The following TCF12 variants were observed in gnomAD, a reference collection of about 807,000 sequenced individuals.
TCF12 encodes DNA-binding protein HTF4.
TCF12 carries 45 observed loss-of-function variants against 86.0 expected under a neutral mutation model. The observed-to-expected ratio is 0.52, with a 90% CI of 0.41 to 0.67. TCF12 has a LOEUF of 0.67. Among genes scored for constraint, TCF12 ranks in the 30% least tolerant of loss-of-function variants. The pLI, the probability that TCF12 is intolerant of heterozygous loss-of-function variation, is 0.00. For synonymous variants in TCF12, 330 were observed against 299.6 expected (o/e 1.10, Z -1.05); for missense variants, 881 against 859.9 (o/e 1.02, Z -0.31).
intron 11 of TCF12, 82 bp from the exon 12 acceptor site, chr15:57,233,961 A>C: frequency 1.8e-6 from 2 of 1,085,018 alleles, no homozygotes; most frequent in Non-Finnish European, 2.8e-6. Context: ...ATGATAGAGA[A>C]CACCCTTGGA....
chr15:57,193,876 G>A (rs2057113217), intron 7 of TCF12, among the ~76,000 whole-genome samples: 1 of 152,124 alleles, frequency 6.6e-6, no homozygotes, highest in South Asian at 2.1e-4. Flanking sequence ...TATTAAGTCA[G>A]CCCAGGTGAT....
chr15:57,024,812 T>C (rs753815944), intron 3 of TCF12, among the ~76,000 whole-genome samples: 8 of 152,184 alleles, frequency 5.3e-5, no homozygotes, highest in Non-Finnish European at 1.2e-4. Flanking sequence ...TGCACATTCG[T>C]CAACAAGCTC....
intron 3 of TCF12, among the ~76,000 whole-genome samples, chr15:57,025,869 G>C (rs2065795905): frequency 6.6e-6 from 1 of 152,176 alleles, no homozygotes. Context: ...TCGCTGAGAT[G>C]ATGAATTCAT....
chr15:57,219,523 T>A, intron 8 of TCF12: 1 of 1,611,592 alleles, frequency 6.2e-7, no homozygotes, highest in Admixed American at 1.7e-5. Context: ...AAAATCAACA[T>A]GTATTGTGCT....
intron 13 of TCF12, 124 bp downstream of exon 13, chr15:57,243,674 A>C (rs1282064991): frequency 1.3e-6 from 1 of 774,984 alleles, no homozygotes; most frequent in African/African-American, 1.8e-5. Flanking sequence ...ACTATAAGAA[A>C]GTGTGTAAAG....
chr15:56,992,172 G>A (rs1391858492), intron 3 of TCF12, among the ~76,000 whole-genome samples: 1 of 152,088 alleles, frequency 6.6e-6, no homozygotes, highest in African/African-American at 2.4e-5. Context: ...TCAGGAGGCT[G>A]AGGTGGGAGG....
At chr15:57,164,254 AT>A (rs1293496955) in intron 5 of TCF12, among the ~76,000 whole-genome samples, 1 of 152,184 alleles carries the variant, frequency 6.6e-6, no homozygotes, top group Non-Finnish European at 1.5e-5. Flanking sequence ...ATACTTGGCC[AT>A]GAAAGTTTTG....
At chr15:57,077,740 GT>G (rs200756239) in intron 4 of TCF12, among the ~76,000 whole-genome samples, 25 of 98,760 alleles carry the variant, frequency 2.5e-4, no homozygotes, top group East Asian at 8.5e-4. Context: ...CGGATCTGTA[GT>G]TTTTTAAAAA....
chr15:57,204,328 G>T (rs1384351596), intron 8 of TCF12, among the ~76,000 whole-genome samples: 1 of 152,016 alleles, frequency 6.6e-6, no homozygotes, highest in Non-Finnish European at 1.5e-5. Flanking sequence ...GCATGTGCCT[G>T]TGGTCTCACC....
chr15:57,049,811 G>C (rs998658411), intron 3 of TCF12, among the ~76,000 whole-genome samples: 1 of 152,156 alleles, frequency 6.6e-6, no homozygotes, highest in Non-Finnish European at 1.5e-5. Flanking sequence ...AGTTGTAGTT[G>C]CTCTGCATTC....
intron 18 of TCF12, among the ~76,000 whole-genome samples, chr15:57,268,852 A>T (rs1328256003): frequency 6.6e-6 from 1 of 151,726 alleles, no homozygotes; most frequent in Non-Finnish European, 1.5e-5. Flanking sequence ...TTTTCCTGAG[A>T]AGTTCTAATT....
chr15:57,132,012 A>G (rs1041244037), intron 5 of TCF12, among the ~76,000 whole-genome samples: 1 of 152,142 alleles, frequency 6.6e-6, no homozygotes, highest in Non-Finnish European at 1.5e-5. Context: ...CCAGCCTGGC[A>G]TGGTGGCATG....
intron 8 of TCF12, among the ~76,000 whole-genome samples, chr15:57,217,678 G>GTTATTTTTATTTTATTTT: frequency 6.6e-6 from 1 of 151,914 alleles, no homozygotes; most frequent in South Asian, 2.1e-4. Context: ...AAAAGTAAGT[G>GTTATTTTTATTTTATTTT]TTATTTTTAA....
At chr15:57,272,905 T>C (rs1170108088) in intron 18 of TCF12, 125 bp from the exon 19 acceptor site, 3 of 885,182 alleles carry the variant, frequency 3.4e-6, no homozygotes, top group Non-Finnish European at 5.1e-6. Flanking sequence ...ACTGCACCTA[T>C]TACAACTGTT....
At chr15:56,938,550 C>A (rs924157539) in intron 3 of TCF12, among the ~76,000 whole-genome samples, 2 of 151,462 alleles carry the variant, frequency 1.3e-5, no homozygotes, top group Admixed American at 6.6e-5. Context: ...TTCCCTCTTT[C>A]TCTGTCTTAT....
intron 5 of TCF12, among the ~76,000 whole-genome samples, chr15:57,135,595 C>T (rs2052463750): frequency 6.6e-6 from 1 of 151,980 alleles, no homozygotes; most frequent in South Asian, 2.1e-4. Context: ...AAATAGTAGC[C>T]CTCTCTGAGA....
chr15:56,924,962 G>A (rs1397901762), intron 3 of TCF12, among the ~76,000 whole-genome samples: 2 of 152,186 alleles, frequency 1.3e-5, no homozygotes, highest in African/African-American at 4.8e-5. Context: ...ACTTTGGGAG[G>A]CCGAGGTGGG....
intron 3 of TCF12, among the ~76,000 whole-genome samples, chr15:57,051,285 C>T (rs1050784164): frequency 2.6e-5 from 4 of 152,158 alleles, no homozygotes; most frequent in Non-Finnish European, 5.9e-5. Flanking sequence ...TAGCGTTCCA[C>T]CTGTTGCTTT....
chr15:57,247,995 C>A (rs1314726979), intron 13 of TCF12: 4 of 721,298 alleles, frequency 5.5e-6, no homozygotes, highest in Non-Finnish European at 1.0e-5. Flanking sequence ...CCACCCCACC[C>A]CCACAGTGGT....
Sources: gnomAD v4.1 joint callset for allele counts (sites outside exome capture counted in the v4.1 genomes callset) on GRCh38, gnomAD v4.1.1 for gene constraint, MANE v1.5 for transcripts, NCBI Gene and HGNC (gene_info 2026-07-23, HGNC 2026-07-21) for gene names.